The following MTUS2 variants were observed in gnomAD, a reference collection of about 807,000 sequenced individuals.
The protein encoded by MTUS2 is microtubule associated scaffold protein 2.
MTUS2 carries 40 observed loss-of-function variants against 114.1 expected under a neutral mutation model. That is an observed-to-expected ratio of 0.35 (90% CI 0.27 to 0.46). MTUS2 has a LOEUF of 0.46. Among genes scored for constraint, MTUS2 ranks in the 20% least tolerant of loss-of-function variants. The pLI, the probability that MTUS2 is intolerant of heterozygous loss-of-function variation, is 1.00. For missense variants in MTUS2, 1,679 were observed against 1,705.4 expected (o/e 0.98, Z 0.27); for synonymous variants, 688 against 672.0 (o/e 1.02, Z -0.37).
intron 4 of MTUS2, among the ~76,000 whole-genome samples, chr13:29,094,629 G>A (rs555344191): frequency 9.2e-5 from 14 of 152,010 alleles, no homozygotes; most frequent in African/African-American, 2.9e-4. Context: ...CAAAGAACTA[G>A]GATTTTGTTT....
At chr13:29,491,048 TGTG>T (rs1464949322) in intron 11 of MTUS2, among the ~76,000 whole-genome samples, 1,732 of 148,986 alleles carry the variant, frequency 0.012, 33 homozygotes, top group African/African-American at 0.041. Context: ...TGTGTGTGTG[TGTG>T]GTGGGAGGCA....
chr13:29,229,108 G>A (rs1896224379), intron 5 of MTUS2, among the ~76,000 whole-genome samples: 4 of 152,048 alleles, frequency 2.6e-5, no homozygotes, highest in South Asian at 4.2e-4. Context: ...AAAGGCCCCC[G>A]AGACTTTGAT....
intron 5 of MTUS2, among the ~76,000 whole-genome samples, chr13:29,218,286 AAC>A (rs56199864): frequency 0.71 from 108,535 of 151,846 alleles, 39,077 homozygotes; most frequent in East Asian, 0.8. Context: ...ATAAAATTGC[AAC>A]AGTTATACCT....
intron 2 of MTUS2, among the ~76,000 whole-genome samples, chr13:28,850,551 A>G (rs964333157): frequency 6.6e-6 from 1 of 152,324 alleles, no homozygotes; most frequent in Admixed American, 6.5e-5. Flanking sequence ...GATCAACTCT[A>G]TTTACAAGAG....
At chr13:28,831,958 T>C (rs1593230111) in intron 1 of MTUS2, among the ~76,000 whole-genome samples, 1 of 152,006 alleles carries the variant, frequency 6.6e-6, no homozygotes, top group East Asian at 1.9e-4. Context: ...GAGACAGGCT[T>C]TCACTATGTT....
intron 2 of MTUS2, among the ~76,000 whole-genome samples, chr13:28,899,009 T>C (rs1424905937): frequency 1.3e-5 from 2 of 152,210 alleles, no homozygotes; most frequent in South Asian, 4.1e-4. Context: ...TTTCAGTGTC[T>C]ACCACAAACC....
chr13:29,144,818 G>T (rs998589618), intron 5 of MTUS2, among the ~76,000 whole-genome samples: 1 of 152,084 alleles, frequency 6.6e-6, no homozygotes, highest in Non-Finnish European at 1.5e-5. Context: ...TAAGTCACAG[G>T]TTCCACCTGC....
chr13:29,189,342 G>A (rs2139188159), intron 5 of MTUS2, among the ~76,000 whole-genome samples: 1 of 152,232 alleles, frequency 6.6e-6, no homozygotes, highest in African/African-American at 2.4e-5. Context: ...TATTCCTAAA[G>A]AAGAGGCAGT....
chr13:28,950,432 C>T (rs1218724564), intron 2 of MTUS2, among the ~76,000 whole-genome samples: 2 of 152,212 alleles, frequency 1.3e-5, no homozygotes, highest in Non-Finnish European at 2.9e-5. Context: ...ATTTTTGATA[C>T]ATAGAAGTCT....
intron 2 of MTUS2, among the ~76,000 whole-genome samples, chr13:28,920,529 T>A (rs968983729): frequency 6.6e-6 from 1 of 152,136 alleles, no homozygotes; most frequent in African/African-American, 2.4e-5. Context: ...ACTGGGTCTT[T>A]CCCAAGGCCC....
chr13:29,402,864 G>A (rs1874450845), intron 8 of MTUS2, among the ~76,000 whole-genome samples: 1 of 152,202 alleles, frequency 6.6e-6, no homozygotes, highest in Non-Finnish European at 1.5e-5. Flanking sequence ...AGCCTCCAGA[G>A]TAGCTGGGAT....
At position 28,973,930 on chromosome 13, in the gene MTUS2, G is replaced by A. The variant is rs1469940004; in HGVS notation, c.-242-50527G>A. 6.6e-5 allele frequency among the ~76,000 whole-genome samples: 10 copies of A among 152,216 alleles called. No individual in the cohort carries two copies. The East Asian group carries it at 1.9e-3, about 29-fold the overall frequency. On this transcript the variant is annotated intron_variant, in intron 2 of 15. Coordinates refer to ENST00000612955, the MANE Select transcript of MTUS2 (RefSeq NM_001033602.4). ...ATGTGTTGCACTTAGGGCAGAGGGT[G>A]AAAATGTAGGTGCCTTCAGCAGCCT...
chr13:28,849,832 T>G (rs565128850), intron 2 of MTUS2, among the ~76,000 whole-genome samples: 6 of 151,984 alleles, frequency 3.9e-5, no homozygotes, highest in Admixed American at 2.6e-4. Context: ...TACCTCTGAG[T>G]TTTCCAAGAC....
chr13:28,829,725 G>A (rs1566162714), intron 1 of MTUS2, among the ~76,000 whole-genome samples: 2 of 152,174 alleles, frequency 1.3e-5, no homozygotes, highest in African/African-American at 2.4e-5. Context: ...AGCAGTAATT[G>A]TTTAACCTCT....
intron 8 of MTUS2, among the ~76,000 whole-genome samples, chr13:29,386,909 G>T (rs1872664889): frequency 6.6e-6 from 1 of 152,192 alleles, no homozygotes; most frequent in South Asian, 2.1e-4. Flanking sequence ...GAGGGGAGGG[G>T]TTCAAAGGCA....
At chr13:29,277,985 GTTGT>G (rs1898128515) in intron 5 of MTUS2, among the ~76,000 whole-genome samples, 1 of 152,172 alleles carries the variant, frequency 6.6e-6, no homozygotes, top group Admixed American at 6.5e-5. Context: ...AAATTTTGGG[GTTGT>G]TTATGGGTCT....
At chr13:28,959,401 C>A (rs74499983) in intron 2 of MTUS2, among the ~76,000 whole-genome samples, 1 of 152,152 alleles carries the variant, frequency 6.6e-6, no homozygotes, top group East Asian at 1.9e-4. Flanking sequence ...GGTCGCATAC[C>A]CCTTCCATGG....
chr13:29,104,368 G>T (rs1593480390), intron 5 of MTUS2, among the ~76,000 whole-genome samples: 2 of 152,114 alleles, frequency 1.3e-5, no homozygotes, highest in African/African-American at 4.8e-5. Flanking sequence ...TCTTAAAGCT[G>T]CCATATACAG....
At chr13:29,053,365 G>A (rs1337308241) in intron 4 of MTUS2, among the ~76,000 whole-genome samples, 4 of 151,948 alleles carry the variant, frequency 2.6e-5, no homozygotes, top group African/African-American at 9.7e-5. Context: ...ATCCATGTGG[G>A]CACTAATTCA....
Sources: allele counts gnomAD v4.1 joint callset (sites outside exome capture counted in the v4.1 genomes callset), GRCh38; gene constraint gnomAD v4.1.1; transcripts MANE v1.5; gene names NCBI Gene and HGNC (gene_info 2026-07-23, HGNC 2026-07-21).